The following OARD1 variants were observed in gnomAD, a reference collection of about 807,000 sequenced individuals.
OARD1 encodes the protein O-acyl-ADP-ribose deacylase 1.
Under a neutral mutation model 19.7 loss-of-function variants are expected in OARD1, and 19 were observed. The ratio of observed to expected loss-of-function variants is 0.96; its 90% confidence interval spans 0.67 to 1.41. OARD1 has a LOEUF of 1.41. OARD1 is among the 40% of genes most tolerant of loss of function. The pLI, the probability that OARD1 is intolerant of heterozygous loss-of-function variation, is 0.00. For missense variants in OARD1, 190 were observed against 183.8 expected, an observed-to-expected ratio of 1.03 and a Z score of -0.20; for synonymous variants, 70 against 61.8, an observed-to-expected ratio of 1.13 and a Z score of -0.62.
intron 4 of OARD1, 76 bp downstream of exon 4, chr6:41,070,000 C>G (rs1032204620): frequency 5.8e-6 from 5 of 864,428 alleles, no homozygotes; most frequent in Non-Finnish European, 1.0e-5. Flanking sequence ...AAATGCAGTG[C>G]AGCCCATCTG....
chr6:41,068,790 T>G (rs1763160457), intron 5 of OARD1, 51 bp downstream of exon 5: 2 of 1,010,676 alleles, frequency 2.0e-6, no homozygotes, highest in Non-Finnish European at 3.0e-6. Flanking sequence ...GGTAAGATAG[T>G]AAACCCCACC....
At chr6:41,088,392 CAGCCTG>C (rs1313533837) in intron 1 of OARD1, among the ~76,000 whole-genome samples, 1 of 138,440 alleles carries the variant, frequency 7.2e-6, no homozygotes, top group Non-Finnish European at 1.5e-5. Context: ...CACTGCACTC[CAGCCTG>C]AGCCACAGAG....
intron 1 of OARD1, among the ~76,000 whole-genome samples, chr6:41,090,867 G>C (rs996377962): frequency 1.3e-5 from 2 of 152,178 alleles, no homozygotes; most frequent in Non-Finnish European, 2.9e-5. Flanking sequence ...GAACTTGAAG[G>C]CTTTTGGAAG....
At chr6:41,068,503 A>G (rs1372263762) in intron 5 of OARD1, among the ~76,000 whole-genome samples, 1 of 152,232 alleles carries the variant, frequency 6.6e-6, no homozygotes, top group Non-Finnish European at 1.5e-5. Context: ...TTGATTCTTT[A>G]GCTTACATTG....
intron 5 of OARD1, among the ~76,000 whole-genome samples, chr6:41,068,300 A>G (rs1763129706): frequency 6.6e-6 from 1 of 152,222 alleles, no homozygotes; most frequent in African/African-American, 2.4e-5. Context: ...TGAACCCTCA[A>G]TGTCATTCCC....
rs1763019239 is a variant in OARD1, at chr6:41,066,644, G to A, written c.*691C>T. On this transcript the variant is annotated 3_prime_UTR_variant, in exon 6 of 6. Transcript: ENST00000424266. ...CACCATGAGGAGATTCTAAAAACCT[G>A]CCTTTTGACTTGTCTATTTTTATCT... The A allele has an allele frequency of 6.6e-6, 1 of 152,144 alleles. No individual in the cohort carries two copies. Among genetic ancestry groups the A allele is most frequent in the Non-Finnish European group, 1.5e-5 (1 of 68,034 alleles). 9.4% of individuals were successfully genotyped at this position (152,144 alleles called of 1,614,324 possible). A position where few individuals can be genotyped will look rare whatever the true frequency, so the allele number is the denominator to read the frequency against.
intron 1 of OARD1, chr6:41,089,529 G>A (rs1270462514): frequency 6.7e-7 from 1 of 1,497,010 alleles, no homozygotes; most frequent in Non-Finnish European, 8.9e-7. Context: ...GGGACCAAAG[G>A]AGACCAGTGT....
chr6:41,079,408 G>T (rs544146341), intron 1 of OARD1, among the ~76,000 whole-genome samples: 90 of 152,232 alleles, frequency 5.9e-4, no homozygotes, highest in Admixed American at 1.7e-3. Context: ...ATCTAGTCTG[G>T]TTTTCAGATG....
intron 1 of OARD1, among the ~76,000 whole-genome samples, chr6:41,078,190 CTTCT>C (rs988744940): frequency 1.6e-4 from 25 of 152,282 alleles, no homozygotes; most frequent in African/African-American, 5.1e-4. Context: ...TATCAATACA[CTTCT>C]TTCTAAGTAC....
In OARD1 at chr6:41,069,027, T is replaced by G. The variant is rs188920005; in HGVS notation, c.244-74A>C. 8.1e-6 allele frequency: 6 copies of G among 743,644 alleles called. No homozygotes were observed. The Admixed American group carries it at 1.1e-4, about 13-fold the overall frequency. 46.1% of individuals were successfully genotyped at this position (743,644 alleles called of 1,614,324 possible). ...GAAAAGTCATCACATTCCCCCAACA[T>G]CCCAATAATTAAAAGAGTAAGCACA... On this transcript the variant is annotated intron_variant, in intron 4 of 5. Coordinates refer to ENST00000424266, the MANE Select transcript of OARD1 (RefSeq NM_001329686.2).
Position 41,067,456 on chromosome 6 carries a change from C to G in OARD1, c.357-19G>C. 1 of 1,532,662 alleles carries G rather than the reference C, an allele frequency of 6.5e-7. No homozygotes were observed. Among genetic ancestry groups the G allele is most frequent in the Non-Finnish European group, 9.0e-7 (1 of 1,106,676 alleles). The allele number at this position is 1,532,662 out of a possible 1,614,324, so 94.9% of individuals were successfully genotyped here. On this transcript the variant is annotated intron_variant, in intron 5 of 5. Coordinates refer to ENST00000424266, the MANE Select transcript of OARD1 (RefSeq NM_001329686.2). ...TCCAATCCTGAAAAAGACAAAATATCTCCATTGATGGTAACGAAAGTATCT... is the reference window on the plus strand; with the variant it reads ...TCCAATCCTGAAAAAGACAAAATATGTCCATTGATGGTAACGAAAGTATCT...
At chr6:41,079,578 C>T (rs1763852144) in intron 1 of OARD1, among the ~76,000 whole-genome samples, 1 of 152,158 alleles carries the variant, frequency 6.6e-6, no homozygotes, top group Non-Finnish European at 1.5e-5. Context: ...ATTTTTTATT[C>T]AGAAAAGCTC....
chr6:41,091,788 T>C, intron 1 of OARD1: 1 of 1,410,024 alleles, frequency 7.1e-7, no homozygotes, highest in Non-Finnish European at 9.7e-7. Context: ...CTCTTGGGAT[T>C]GAGATCGATC....
chr6:41,090,656 GT>G (rs939325753), intron 1 of OARD1, among the ~76,000 whole-genome samples: 1 of 152,132 alleles, frequency 6.6e-6, no homozygotes, highest in South Asian at 2.1e-4. Flanking sequence ...TGCTGCTTAT[GT>G]TTTTTTCTGG....
At chr6:41,097,211 C>A in intron 1 of OARD1, 1 of 694,794 alleles carries the variant, frequency 1.4e-6, no homozygotes, top group Non-Finnish European at 2.5e-6. Flanking sequence ...CACTTTAAGC[C>A]ATGTATGCAG....
intron 1 of OARD1, among the ~76,000 whole-genome samples, chr6:41,083,687 C>T (rs543481762): frequency 6.6e-6 from 1 of 152,196 alleles, no homozygotes; most frequent in African/African-American, 2.4e-5. Flanking sequence ...TTCTCTCCAG[C>T]CTTCACTACA....
intron 1 of OARD1, among the ~76,000 whole-genome samples, chr6:41,095,882 A>G (rs914257959): frequency 6.6e-6 from 1 of 152,262 alleles, no homozygotes; most frequent in East Asian, 1.9e-4. Context: ...GTATTTAAGT[A>G]CTGACTTAGA....
chr6:41,094,803 G>T (rs1294428169), intron 1 of OARD1, among the ~76,000 whole-genome samples: 1 of 152,142 alleles, frequency 6.6e-6, no homozygotes, highest in African/African-American at 2.4e-5. Context: ...GCCAGGCCTG[G>T]TGATGCATGC....
chr6:41,068,959 C>T lies in OARD1; in HGVS notation c.244-6G>A, dbSNP rs1005139735. 1.3e-6 allele frequency: 2 copies of T among 1,513,454 alleles called. No homozygotes were observed. The highest frequency in any genetic ancestry group is 1.4e-5 in the African/African-American group (1 of 72,006). The allele number at this position is 1,513,454 out of a possible 1,614,324, so 93.8% of individuals were successfully genotyped here. On this transcript the variant is annotated splice_region_variant and splice_polypyrimidine_tract_variant and intron_variant, in intron 4 of 5. Coordinates refer to ENST00000424266, the MANE Select transcript of OARD1 (RefSeq NM_001329686.2). Reference sequence around the variant, plus strand: ...GAAGCCCTTTTCTTTGTAATCTGAACACAAAGGATTCAAACTTTCATCATC... The same window carrying T: ...GAAGCCCTTTTCTTTGTAATCTGAATACAAAGGATTCAAACTTTCATCATC...
Sources: gnomAD v4.1 joint callset for allele counts (sites outside exome capture counted in the v4.1 genomes callset) on GRCh38, gnomAD v4.1.1 for gene constraint, MANE v1.5 for transcripts, NCBI Gene and HGNC (gene_info 2026-07-23, HGNC 2026-07-21) for gene names.